TPRG1: variants seen among roughly 807,000 people sequenced by gnomAD.
TPRG1 encodes the protein tumor protein p63 regulated 1.
In TPRG1, 29 loss-of-function variants were observed where a neutral mutation model predicts 29.3. That is an observed-to-expected ratio of 0.99 (90% CI 0.74 to 1.35). The LOEUF (loss-of-function observed/expected upper bound fraction) is 1.35. TPRG1 is among the 40% of genes most tolerant of loss of function. TPRG1 has a pLI of 0.00. For synonymous variants in TPRG1, 130 were observed against 116.8 expected (o/e 1.11, Z -0.73); for missense variants, 327 against 335.0 (o/e 0.98, Z 0.19).
At chr3:189,008,248 T>C (rs571254032) in intron 3 of TPRG1, among the ~76,000 whole-genome samples, 4 of 152,182 alleles carry the variant, frequency 2.6e-5, no homozygotes, top group African/African-American at 9.6e-5. Flanking sequence ...CCACTGTTGA[T>C]GGAATCTACT....
chr3:189,175,815 A>G (rs534866906), intron 1 of TPRG1, among the ~76,000 whole-genome samples: 5 of 152,334 alleles, frequency 3.3e-5, no homozygotes, highest in African/African-American at 1.2e-4. Context: ...CTCTCTCAAG[A>G]AAGTCTATTC....
chr3:189,032,773 G>C (rs904248188), intron 4 of TPRG1, among the ~76,000 whole-genome samples: 1 of 114,354 alleles, frequency 8.7e-6, no homozygotes, highest in Non-Finnish European at 1.7e-5. Context: ...ACAGTCCCCA[G>C]AGTGTGATGT....
chr3:189,256,055 C>T (rs896239055), intron 4 of TPRG1, among the ~76,000 whole-genome samples: 3 of 152,062 alleles, frequency 2.0e-5, no homozygotes, highest in Admixed American at 2.0e-4. Flanking sequence ...CTTCTGCTAG[C>T]TTTTGAATTT....
At chr3:189,129,800 A>G (rs1036782018) in intron 2 of TPRG1, among the ~76,000 whole-genome samples, 2 of 152,232 alleles carry the variant, frequency 1.3e-5, no homozygotes, top group Non-Finnish European at 2.9e-5. Flanking sequence ...GAGCTATGGT[A>G]AAGTTATGAT....
intron 5 of TPRG1, among the ~76,000 whole-genome samples, chr3:189,153,670 T>C (rs1726261461): frequency 6.6e-6 from 1 of 152,214 alleles, no homozygotes; most frequent in Non-Finnish European, 1.5e-5. Context: ...GGTATCCAGC[T>C]GGCAAATGGG....
chr3:189,230,944 G>A (rs1420100741), intron 3 of TPRG1, among the ~76,000 whole-genome samples: 1 of 152,034 alleles, frequency 6.6e-6, no homozygotes, highest in African/African-American at 2.4e-5. Context: ...TCTGATGGGG[G>A]CTCGTATTTG....
intron 3 of TPRG1, among the ~76,000 whole-genome samples, chr3:189,234,204 A>G (rs1272430136): frequency 6.6e-6 from 1 of 152,114 alleles, no homozygotes; most frequent in Non-Finnish European, 1.5e-5. Context: ...GGGAGGAAAG[A>G]TATTAGCCAC....
intron 4 of TPRG1, among the ~76,000 whole-genome samples, chr3:189,254,530 T>C (rs545577353): frequency 1.3e-5 from 2 of 152,302 alleles, no homozygotes; most frequent in African/African-American, 4.8e-5. Context: ...ATATGAAACT[T>C]AATGTATTTT....
chr3:189,132,623 C>T (rs1209657272), exon 3 of TPRG1: 1 of 152,182 alleles, frequency 6.6e-6, no homozygotes, highest in African/African-American at 2.4e-5. Flanking sequence ...GGAAACATTG[C>T]TCAGATTGGA....
chr3:189,228,093 C>T (rs934163117), intron 3 of TPRG1, among the ~76,000 whole-genome samples: 12 of 152,150 alleles, frequency 7.9e-5, no homozygotes, highest in Non-Finnish European at 1.2e-4. Context: ...TGCACTCCAG[C>T]CTGGGCAACA....
intron 1 of TPRG1, among the ~76,000 whole-genome samples, chr3:189,183,930 G>A (rs1002124905): frequency 2.0e-5 from 3 of 151,920 alleles, no homozygotes; most frequent in Admixed American, 2.0e-4. Flanking sequence ...ACAGGCATAG[G>A]AAATCACAAG....
chr3:189,007,468 C>T (rs1411286582), intron 3 of TPRG1, among the ~76,000 whole-genome samples: 4 of 151,712 alleles, frequency 2.6e-5, no homozygotes, highest in South Asian at 2.1e-4. Context: ...ACTAGTTCAA[C>T]GATTGTGGAA....
intron 3 of TPRG1, among the ~76,000 whole-genome samples, chr3:189,236,768 T>G (rs1739524907): frequency 6.6e-6 from 1 of 152,194 alleles, no homozygotes; most frequent in Non-Finnish European, 1.5e-5. Context: ...CTTTTTCTGC[T>G]TCTCCTTTCT....
At chr3:189,151,575 A>G (rs1269075644) in intron 5 of TPRG1, among the ~76,000 whole-genome samples, 2 of 152,096 alleles carry the variant, frequency 1.3e-5, no homozygotes, top group Non-Finnish European at 2.9e-5. Flanking sequence ...CTTACACCAA[A>G]GCCCTTTGCA....
Position 189,303,832 on chromosome 3 carries a change from A to G in TPRG1, c.480-6554A>G, listed in dbSNP as rs559412232. Among the ~76,000 whole-genome samples the G allele has an allele frequency of 7.2e-5, 11 of 152,322 alleles. No homozygotes were observed. The South Asian group carries it at 2.1e-3, about 29-fold the overall frequency. On this transcript the variant is annotated intron_variant, in intron 4 of 5. Coordinates refer to ENST00000345063, the MANE Select transcript of TPRG1 (RefSeq NM_198485.4). Reference sequence around the variant, plus strand: ...AAACTTTGTCTTCCTCTCTTCAGCCATGAACATGACCACCTCTAGGACAAG... The same window carrying G: ...AAACTTTGTCTTCCTCTCTTCAGCCGTGAACATGACCACCTCTAGGACAAG...
chr3:189,071,612 G>T (rs1029296651), intron 4 of TPRG1, among the ~76,000 whole-genome samples: 4 of 152,160 alleles, frequency 2.6e-5, no homozygotes, highest in Admixed American at 2.6e-4. Flanking sequence ...TGGTATATGT[G>T]TGTGCATACA....
At chr3:189,029,541 C>T (rs1015108525) in intron 4 of TPRG1, among the ~76,000 whole-genome samples, 2 of 152,092 alleles carry the variant, frequency 1.3e-5, no homozygotes, top group African/African-American at 2.4e-5. Flanking sequence ...ATTTTAGCAA[C>T]AACAACAAAA....
chr3:188,999,642 A>T (rs1297592595), intron 1 of TPRG1, among the ~76,000 whole-genome samples: 3 of 152,160 alleles, frequency 2.0e-5, no homozygotes, highest in Non-Finnish European at 4.4e-5. Flanking sequence ...ATGAGTTAAC[A>T]CATGAAAAGT....
intron 5 of TPRG1, among the ~76,000 whole-genome samples, chr3:189,163,042 C>A (rs943929212): frequency 2.0e-5 from 3 of 152,158 alleles, no homozygotes; most frequent in Non-Finnish European, 4.4e-5. Context: ...GAGGCCCAGG[C>A]GGGTGGGTCA....
Sources: allele counts gnomAD v4.1 joint callset (sites outside exome capture counted in the v4.1 genomes callset), GRCh38; gene constraint gnomAD v4.1.1; transcripts MANE v1.5; gene names NCBI Gene and HGNC (gene_info 2026-07-23, HGNC 2026-07-21).